KCNMA1: variants seen among roughly 807,000 people sequenced by gnomAD.
The protein encoded by KCNMA1 is potassium calcium-activated channel subfamily M alpha 1, also known as Calcium-activated potassium channel subunit alpha-1.
Under a neutral mutation model 140.0 loss-of-function variants are expected in KCNMA1, and 29 were observed. The observed-to-expected ratio is 0.21, with a 90% CI of 0.15 to 0.28. The LOEUF (loss-of-function observed/expected upper bound fraction) is 0.28. Ranked by LOEUF, KCNMA1 falls within the 10% of genes least tolerant of loss-of-function variation. KCNMA1 has a pLI of 1.00. For missense variants in KCNMA1, 880 were observed against 1,602.2 expected, an observed-to-expected ratio of 0.55 and a Z score of 7.70; for synonymous variants, 612 against 611.9, an observed-to-expected ratio of 1.00 and a Z score of 0.00.
At chr10:77,097,302 G>A (rs965850847) in intron 9 of KCNMA1, among the ~76,000 whole-genome samples, 2 of 152,116 alleles carry the variant, frequency 1.3e-5, no homozygotes, top group African/African-American at 4.8e-5. Flanking sequence ...TTTACTGAAT[G>A]TCTCAAAGAG....
At chr10:77,557,021 G>C (rs749558368) in intron 1 of KCNMA1, among the ~76,000 whole-genome samples, 7 of 152,116 alleles carry the variant, frequency 4.6e-5, no homozygotes, top group African/African-American at 9.7e-5. Context: ...AGACTCCCTT[G>C]GATAATGCTG....
intron 1 of KCNMA1, among the ~76,000 whole-genome samples, chr10:77,452,060 T>A (rs181220172): frequency 4.9e-4 from 74 of 152,334 alleles, no homozygotes; most frequent in African/African-American, 1.7e-3. Context: ...AGACATGAGA[T>A]AGCATTCCAA....
At chr10:77,264,139 C>T (rs114496884) in intron 2 of KCNMA1, among the ~76,000 whole-genome samples, 2 of 152,216 alleles carry the variant, frequency 1.3e-5, no homozygotes, top group African/African-American at 2.4e-5. Context: ...TGTGTATTCG[C>T]GCAAGTTTCG....
intron 1 of KCNMA1, among the ~76,000 whole-genome samples, chr10:77,426,614 T>G (rs888167046): frequency 1.3e-5 from 2 of 152,244 alleles, no homozygotes; most frequent in African/African-American, 2.4e-5. Context: ...TCTCTTGTCT[T>G]GCGGAGCAGA....
At chr10:77,096,336 CACAGG>C (rs1010983290) in intron 9 of KCNMA1, among the ~76,000 whole-genome samples, 1 of 152,178 alleles carries the variant, frequency 6.6e-6, no homozygotes, top group African/African-American at 2.4e-5. Context: ...TGAATCCTCA[CACAGG>C]GCTCCAGTTC....
chr10:77,251,107 G>T, intron 3 of KCNMA1, 88 bp downstream of exon 3: 1 of 1,036,144 alleles, frequency 9.7e-7, no homozygotes, highest in Non-Finnish European at 1.5e-6. Flanking sequence ...GTCTTGCAAA[G>T]GTTGGTGTCA....
At chr10:77,464,454 C>T (rs1253359041) in intron 1 of KCNMA1, among the ~76,000 whole-genome samples, 1 of 148,252 alleles carries the variant, frequency 6.7e-6, no homozygotes, top group Non-Finnish European at 1.5e-5. Flanking sequence ...GATATCTCTC[C>T]ATTAAAAAAA....
chr10:77,048,364 C>A (rs916610137), intron 14 of KCNMA1, among the ~76,000 whole-genome samples: 7 of 152,160 alleles, frequency 4.6e-5, no homozygotes, highest in South Asian at 4.1e-4. Flanking sequence ...AACATGGCAC[C>A]ACTCTGTCTT....
chr10:77,108,665 C>T lies in KCNMA1; in HGVS notation c.1132-93G>A. On this transcript the variant is annotated intron_variant, in intron 8 of 27. Coordinates refer to ENST00000286628, the MANE Select transcript of KCNMA1 (RefSeq NM_001161352.2). This position sits in a 1 kb window ranked among gnomAD's most constrained non-coding sequence, Gnocchi z 4.6. Reference sequence around the variant, plus strand: ...GGGTGGGGGCACTAAGATCTGAAAACACAAAAGGATTAGGCCTGCAAAGGT... The same window carrying T: ...GGGTGGGGGCACTAAGATCTGAAAATACAAAAGGATTAGGCCTGCAAAGGT... The T allele has an allele frequency of 1.1e-6, 1 of 938,940 alleles. No individual in the cohort carries two copies. The allele number at this position is 938,940 out of a possible 1,614,324, so 58.2% of individuals were successfully genotyped here.
intron 3 of KCNMA1, chr10:77,249,759 C>T (rs1218742313): frequency 6.6e-6 from 1 of 152,192 alleles, no homozygotes. Context: ...GAATCATTAA[C>T]AGTAAATATT....
chr10:77,511,177 A>G (rs1052365570), intron 1 of KCNMA1, among the ~76,000 whole-genome samples: 4 of 152,222 alleles, frequency 2.6e-5, no homozygotes, highest in Admixed American at 6.5e-5. Context: ...CTGATTCAGC[A>G]GCTCTGGGCT....
At chr10:77,413,097 A>C (rs1292844529) in intron 1 of KCNMA1, among the ~76,000 whole-genome samples, 2 of 152,052 alleles carry the variant, frequency 1.3e-5, no homozygotes, top group African/African-American at 2.4e-5. Context: ...ACCTCAAGTG[A>C]TCCACCTGCC....
chr10:77,205,757 C>T (rs1220476858), intron 3 of KCNMA1, among the ~76,000 whole-genome samples: 2 of 152,214 alleles, frequency 1.3e-5, no homozygotes, highest in Non-Finnish European at 2.9e-5. Context: ...ATTTTGATAA[C>T]CTGCTCCTTC....
intron 9 of KCNMA1, among the ~76,000 whole-genome samples, chr10:77,099,954 G>A (rs1344357005): frequency 6.6e-6 from 1 of 152,122 alleles, no homozygotes; most frequent in African/African-American, 2.4e-5. Context: ...GTTCAACAAC[G>A]TGAATTATCA....
intron 22 of KCNMA1, among the ~76,000 whole-genome samples, chr10:76,946,895 A>G (rs969289455): frequency 3.3e-5 from 5 of 152,314 alleles, no homozygotes; most frequent in African/African-American, 1.2e-4. Context: ...GTACTGTTTA[A>G]CCAATAAACT....
At position 77,108,158 on chromosome 10, in the gene KCNMA1, A is replaced by G; in HGVS notation, c.1223+323T>C. The G allele has an allele frequency of 1.4e-6, 1 of 716,778 alleles. No individual in the cohort carries two copies. The highest frequency in any genetic ancestry group is 2.2e-6 in the Non-Finnish European group (1 of 445,024). 44.4% of individuals were successfully genotyped at this position (716,778 alleles called of 1,614,324 possible). On this transcript the variant is annotated intron_variant, in intron 9 of 27. Coordinates refer to ENST00000286628, the MANE Select transcript of KCNMA1 (RefSeq NM_001161352.2). The surrounding 1 kb of genome is among the most constrained non-coding windows in gnomAD (Gnocchi z 4.6). ...CGGGTCACCTCTGACATCACACCCCATGCAGAAACTGGGCCTTCCCTCACA... is the reference window on the plus strand; with the variant it reads ...CGGGTCACCTCTGACATCACACCCCGTGCAGAAACTGGGCCTTCCCTCACA...
chr10:77,363,420 C>A (rs1346353605), intron 2 of KCNMA1, among the ~76,000 whole-genome samples: 1 of 152,226 alleles, frequency 6.6e-6, no homozygotes, highest in Non-Finnish European at 1.5e-5. Context: ...ACACTCAATG[C>A]CACTCCTGCC....
intron 2 of KCNMA1, among the ~76,000 whole-genome samples, chr10:77,302,253 T>C (rs189983375): frequency 1.3e-5 from 2 of 152,322 alleles, no homozygotes; most frequent in African/African-American, 4.8e-5. Context: ...GGAAAGGGGC[T>C]GCTTCTCTGA....
intron 21 of KCNMA1, among the ~76,000 whole-genome samples, chr10:76,953,314 C>T (rs2066980458): frequency 6.6e-6 from 1 of 152,202 alleles, no homozygotes; most frequent in Non-Finnish European, 1.5e-5. Context: ...GCTTTCCTCA[C>T]AGCATTTAAT....
Sources: gnomAD v4.1 joint callset for allele counts (sites outside exome capture counted in the v4.1 genomes callset) on GRCh38, gnomAD v4.1.1 for gene constraint, Gnocchi (gnomAD v3.1) non-coding constraint, MANE v1.5 for transcripts, NCBI Gene and HGNC (gene_info 2026-07-23, HGNC 2026-07-21) for gene names.